EPB41L1: variants seen among roughly 807,000 people sequenced by gnomAD.
EPB41L1 encodes the protein band 4.1-like protein 1.
EPB41L1 carries 29 observed loss-of-function variants against 97.8 expected under a neutral mutation model. The ratio of observed to expected loss-of-function variants is 0.30; its 90% CI spans 0.22 to 0.40. The LOEUF (loss-of-function observed/expected upper bound fraction) is 0.40, where lower values mean the gene tolerates loss of function less well. Among genes scored for constraint, EPB41L1 ranks in the 10% least tolerant of loss-of-function variants. The pLI is 1.00. For missense variants in EPB41L1, 812 were observed against 1,162.3 expected (o/e 0.70, Z 4.38); for synonymous variants, 383 against 459.2 (o/e 0.83, Z 2.12).
chr20:36,115,035 C>T (rs1361538412), intron 2 of EPB41L1, among the ~76,000 whole-genome samples: 2 of 152,160 alleles, frequency 1.3e-5, no homozygotes, highest in African/African-American at 4.8e-5. Flanking sequence ...CAAATGCCAA[C>T]AATAATAACA....
At chr20:36,125,940 T>C (rs1600437426) in intron 2 of EPB41L1, among the ~76,000 whole-genome samples, 1 of 150,662 alleles carries the variant, frequency 6.6e-6, no homozygotes, top group Non-Finnish European at 1.5e-5. Context: ...GAACGGACAG[T>C]GTGGGGCCGA....
At chr20:36,183,989 C>T (rs1186794799) in intron 6 of EPB41L1, among the ~76,000 whole-genome samples, 4 of 152,294 alleles carry the variant, frequency 2.6e-5, no homozygotes, top group South Asian at 4.1e-4. Context: ...AATCCCAGTA[C>T]TTTGGGAGAC....
At chr20:36,223,901 A>G (rs910898096) in intron 21 of EPB41L1, among the ~76,000 whole-genome samples, 1 of 152,214 alleles carries the variant, frequency 6.6e-6, no homozygotes, top group African/African-American at 2.4e-5. Context: ...ATGAAAAAAA[A>G]TCCATCTCAA....
intron 2 of EPB41L1, among the ~76,000 whole-genome samples, chr20:36,134,598 C>T (rs1356880332): frequency 6.6e-6 from 1 of 152,168 alleles, no homozygotes; most frequent in East Asian, 1.9e-4. Flanking sequence ...TCCCACTGAA[C>T]ATTTGCAGAA....
intron 17 of EPB41L1, among the ~76,000 whole-genome samples, chr20:36,216,186 A>G (rs1469832255): frequency 6.6e-6 from 1 of 152,226 alleles, no homozygotes; most frequent in South Asian, 2.1e-4. Flanking sequence ...ATGGGGTGAC[A>G]GCTCTGCCAG....
Position 36,206,165 on chromosome 20 carries a change from G to A in EPB41L1, c.1669-3323G>A, listed in dbSNP as rs1196328116. Reference sequence around the variant, plus strand: ...CCAGGAGGGGCTGCCCTGGCTTCCGGCCGCACATTGGCAGAAAAGCTCCTC... The same window carrying A: ...CCAGGAGGGGCTGCCCTGGCTTCCGACCGCACATTGGCAGAAAAGCTCCTC... On this transcript the variant is annotated intron_variant, in intron 14 of 21. Transcript: ENST00000338074. The surrounding 1 kb of genome is among the most constrained non-coding windows in gnomAD (Gnocchi z 5.5). The A allele has an allele frequency of 2.3e-6, 3 of 1,289,758 alleles. No homozygotes were observed. In the African/African-American group the frequency reaches 4.6e-5, roughly 20 times the overall value. The allele number at this position is 1,289,758 out of a possible 1,614,324, so 79.9% of individuals were successfully genotyped here.
chr20:36,177,914 G>A (rs747513873), intron 3 of EPB41L1, 38 bp from the exon 4 acceptor site: 2 of 1,546,292 alleles, frequency 1.3e-6, no homozygotes, highest in African/African-American at 1.4e-5. Context: ...GCCCCGGGGT[G>A]TGCTTCAGCC....
intron 2 of EPB41L1, among the ~76,000 whole-genome samples, chr20:36,149,130 A>G (rs1186054403): frequency 6.6e-6 from 1 of 152,104 alleles, no homozygotes; most frequent in African/African-American, 2.4e-5. Flanking sequence ...ATAGCTCTGG[A>G]AGACGGTGCT....
chr20:36,178,982 A>G (rs1219274692), intron 5 of EPB41L1, among the ~76,000 whole-genome samples: 3 of 151,874 alleles, frequency 2.0e-5, no homozygotes, highest in South Asian at 2.1e-4. Flanking sequence ...GACTGCCTCA[A>G]GCGATTCTCT....
intron 2 of EPB41L1, among the ~76,000 whole-genome samples, chr20:36,123,464 A>C (rs1251925373): frequency 6.6e-6 from 1 of 152,224 alleles, no homozygotes; most frequent in African/African-American, 2.4e-5. Context: ...TTTTTGAGAC[A>C]GAATCTCGCT....
chr20:36,097,212 T>C lies in EPB41L1; in HGVS notation c.-65+5600T>C, dbSNP rs117413979. On this transcript the variant is annotated intron_variant, in intron 1 of 19. Coordinates refer to the EPB41L1 transcript ENST00000202028. ...AATCACTTTCCCCTTTTGGCACGTG[T>C]CCATCTCTGTAAAATGAAGGTATTG... Among the ~76,000 whole-genome samples, 1,664 of 152,334 alleles carry C rather than the reference T, an allele frequency of 0.011. 65 individuals carry two copies. In the East Asian group the frequency reaches 0.13, roughly 12 times the overall value.
In EPB41L1 at chr20:36,093,550, G is replaced by C. The variant is rs991220538; in HGVS notation, c.-65+1938G>C. On this transcript the variant is annotated intron_variant, in intron 1 of 19. Coordinates refer to the EPB41L1 transcript ENST00000202028. The surrounding 1 kb of genome is among the most constrained non-coding windows in gnomAD (Gnocchi z 5.4). ...GCGGCGGGGGTGTCCCTTCCCCGTC[G>C]GGCAGAGACTCCCTGCTGGCAGGTG... is the stretch of plus-strand genomic sequence containing the variant. 1.3e-5 allele frequency among the ~76,000 whole-genome samples: 2 copies of C among 152,196 alleles called. No individual in the cohort carries two copies. Among genetic ancestry groups the C allele is most frequent in the Non-Finnish European group, 2.9e-5 (2 of 67,964 alleles).
chr20:36,179,105 A>G (rs2061372814), intron 5 of EPB41L1, among the ~76,000 whole-genome samples: 1 of 151,946 alleles, frequency 6.6e-6, no homozygotes. Flanking sequence ...AAAGAAAGAA[A>G]ATGCATTCAG....
In EPB41L1 at chr20:36,218,982, T is replaced by C; in HGVS notation, c.2355+20T>C. On this transcript the variant is annotated intron_variant, in intron 18 of 21. Transcript: ENST00000338074. ...TCTCCGGTAAGTGGGCAAGGCCAGC[T>C]CAGGCTAGGGGACTCCACACTGAGA... 6.2e-7 allele frequency: 1 copy of C among 1,612,422 alleles called. No homozygotes were observed. The highest frequency in any genetic ancestry group is 8.5e-7 in the Non-Finnish European group (1 of 1,178,908).
At chr20:36,137,052 C>CT (rs1555838643) in intron 2 of EPB41L1, among the ~76,000 whole-genome samples, 3 of 148,246 alleles carry the variant, frequency 2.0e-5, no homozygotes, top group Non-Finnish European at 4.5e-5. Flanking sequence ...CTAAGTTTTT[C>CT]TTTTTTTCCT....
In EPB41L1 at chr20:36,194,183, G is replaced by A. The variant is rs1486516769; in HGVS notation, c.1301-29G>A. 3.7e-6 allele frequency: 6 copies of A among 1,612,430 alleles called. No homozygotes were observed. The Admixed American group carries it at 8.3e-5, about 22-fold the overall frequency. On this transcript the variant is annotated intron_variant, in intron 11 of 21. Transcript: ENST00000338074. Reference sequence around the variant, plus strand: ...CTGTTCTCTGGGAGGGGTCTCACATGGTTGCCTGGCTATCTCCACCCACTT... The same window carrying A: ...CTGTTCTCTGGGAGGGGTCTCACATAGTTGCCTGGCTATCTCCACCCACTT...
At chr20:36,125,688 C>A (rs944590464) in intron 2 of EPB41L1, among the ~76,000 whole-genome samples, 3 of 152,108 alleles carry the variant, frequency 2.0e-5, no homozygotes, top group Non-Finnish European at 4.4e-5. Context: ...GCTCCTGCAG[C>A]CCGTGTATAT....
intron 8 of EPB41L1, 86 bp from the exon 9 acceptor site, chr20:36,188,261 C>A: frequency 6.3e-7 from 1 of 1,578,100 alleles, no homozygotes; most frequent in Non-Finnish European, 8.7e-7. Context: ...ACAAGCAGCG[C>A]ACAGGGCAGT....
chr20:36,200,944 G>A (rs1362439219), intron 14 of EPB41L1: 1 of 456,874 alleles, frequency 2.2e-6, no homozygotes, highest in Non-Finnish European at 4.4e-6. Context: ...GCTTGGAAGT[G>A]TTCACTCAGA....
Sources: allele counts gnomAD v4.1 joint callset (sites outside exome capture counted in the v4.1 genomes callset), GRCh38; gene constraint gnomAD v4.1.1; non-coding constraint Gnocchi (gnomAD v3.1); transcripts MANE v1.5; gene names NCBI Gene and HGNC (gene_info 2026-07-23, HGNC 2026-07-21).